Variants in SMARCA1 observed in about 807,000 individuals in gnomAD.
SMARCA1 encodes the protein SNF2 related chromatin remodeling ATPase 1, also known as SWI/SNF-related matrix-associated actin-dependent regulator of chromatin subfamily A member 1.
In SMARCA1, 17 loss-of-function variants were observed where a neutral mutation model predicts 93.6. The ratio of observed to expected loss-of-function variants is 0.18; its 90% CI spans 0.12 to 0.27. SMARCA1 has a LOEUF of 0.27. Among genes scored for constraint, SMARCA1 ranks in the 10% least tolerant of loss-of-function variants. SMARCA1 has a pLI of 1.00. For missense variants in SMARCA1, 630 were observed against 819.0 expected (o/e 0.77, Z 2.82); for synonymous variants, 271 against 271.4 (o/e 1.00, Z 0.01).
At chrX:129,447,692 G>A (rs1932074874) in intron 24 of SMARCA1, among the ~76,000 whole-genome samples, 2 of 111,442 alleles carry the variant, frequency 1.8e-5, no homozygotes, top group African/African-American at 6.5e-5. Flanking sequence ...ATTACACCTG[G>A]CAGCATTTTC....
rs758799039 is a variant in SMARCA1 at position 129,522,246 on chromosome X, T to C, written c.174+951A>G. Among the ~76,000 whole-genome samples, 4 of 109,948 alleles carry C rather than the reference T, an allele frequency of 3.6e-5. No homozygotes were observed. In the South Asian group the frequency reaches 1.6e-3, roughly 43 times the overall value. ...CATATTTTCTGGATTGGCTTTAATA[T>C]GTGTCAGAGCAGTTCCCTTACGTTA... On this transcript the variant is annotated intron_variant, in intron 1 of 24. Coordinates refer to ENST00000371121, the MANE Select transcript of SMARCA1 (RefSeq NM_001282874.2).
chrX:129,522,935 C>T (rs1935459797), intron 1 of SMARCA1, among the ~76,000 whole-genome samples: 1 of 111,260 alleles, frequency 9.0e-6, no homozygotes, highest in African/African-American at 3.3e-5. Flanking sequence ...TCCCGAGCCC[C>T]CAGGCCCCGG....
chrX:129,493,358 A>T (rs190736600), intron 12 of SMARCA1, among the ~76,000 whole-genome samples: 38 of 111,940 alleles, frequency 3.4e-4, no homozygotes, highest in Non-Finnish European at 6.2e-4. Context: ...TACATATTAC[A>T]TATACCTAAA....
intron 1 of SMARCA1, among the ~76,000 whole-genome samples, chrX:129,521,871 G>A (rs940363384): frequency 1.8e-5 from 2 of 112,154 alleles, no homozygotes; most frequent in African/African-American, 3.2e-5. Context: ...AGTCAACCTT[G>A]TAATAGTAAA....
At chrX:129,456,733 G>A (rs760309053) in intron 23 of SMARCA1, among the ~76,000 whole-genome samples, 1 of 111,881 alleles carries the variant, frequency 8.9e-6, no homozygotes, top group South Asian at 3.8e-4. Context: ...AGAATTAGAA[G>A]TGGAGCCTGA....
In SMARCA1 at chrX:129,480,702, T is replaced by G. The variant is rs775989168; in HGVS notation, c.2441A>C (p.Lys814Thr). ...ILYYRKTIGY[K>T]VPRNPDIPNP... ...AATCTTAAAAAATGGAAAAAATACC[T>G]TATAGCCTATTGTCTTCCGATAATA... is the stretch of plus-strand genomic sequence containing the variant. Residue 814 changes from lysine to threonine, a missense_variant and splice_region_variant, in exon 19 of 25, where the codon AAG becomes ACG. By Grantham distance (78) the Lys-to-Thr change is moderately conservative. Around this residue, in one of 4 missense-constraint regions of SMARCA1, gnomAD observed 52 missense variants for 38.3 expected, o/e 1.36. Transcript: ENST00000371121. The G allele has an allele frequency of 1.0e-6, 1 of 985,967 alleles. No homozygotes were observed. Among genetic ancestry groups the G allele is most frequent in the South Asian group, 2.7e-5 (1 of 36,666 alleles). 81.3% of individuals were successfully genotyped at this position (985,967 alleles called of 1,213,427 possible).
intron 1 of SMARCA1, among the ~76,000 whole-genome samples, chrX:129,519,553 A>G (rs765296627): frequency 1.4e-3 from 157 of 111,657 alleles, no homozygotes; most frequent in Admixed American, 2.3e-3. Context: ...ATCCAAACTG[A>G]GATTATGGAA....
intron 19 of SMARCA1, among the ~76,000 whole-genome samples, chrX:129,479,535 G>A (rs984433955): frequency 9.1e-6 from 1 of 109,955 alleles, no homozygotes; most frequent in Admixed American, 9.7e-5. Flanking sequence ...GCACATTCCA[G>A]CTACTAATTA....
intron 23 of SMARCA1, among the ~76,000 whole-genome samples, chrX:129,455,284 G>C (rs371459612): frequency 4.5e-5 from 5 of 111,398 alleles, no homozygotes; most frequent in African/African-American, 1.3e-4. Context: ...TCATAAAAAG[G>C]ATGAGTTCAT....
intron 13 of SMARCA1, 25 bp from the exon 14 acceptor site, chrX:129,492,118 T>C (rs1191648125): frequency 2.0e-6 from 2 of 994,196 alleles, no homozygotes; most frequent in East Asian, 6.1e-5. Context: ...GATAAAGGGA[T>C]AGAAGAAAAA....
intron 9 of SMARCA1, among the ~76,000 whole-genome samples, chrX:129,500,193 A>C (rs924463836): frequency 9.9e-5 from 11 of 111,127 alleles, no homozygotes; most frequent in Non-Finnish European, 5.7e-5. Flanking sequence ...TTGGAGACAG[A>C]GTCTCACCCT....
chrX:129,515,676 C>G lies in SMARCA1; in HGVS notation c.630+11G>C, dbSNP rs1358579370. ...TAACTGAGAATGTGTTTTTAGCTAC[C>G]AATTCCTTACCATTTCATCAGCCAA... On this transcript the variant is annotated intron_variant, in intron 5 of 24. Coordinates refer to ENST00000371121, the MANE Select transcript of SMARCA1 (RefSeq NM_001282874.2). The G allele has an allele frequency of 3.6e-6, 4 of 1,097,882 alleles. No homozygotes were observed. The highest frequency in any genetic ancestry group is 5.0e-6 in the Non-Finnish European group (4 of 794,775). The allele number at this position is 1,097,882 out of a possible 1,213,427, so 90.5% of individuals were successfully genotyped here.
chrX:129,463,219 T>C (rs1932836122), intron 23 of SMARCA1, among the ~76,000 whole-genome samples: 1 of 112,014 alleles, frequency 8.9e-6, no homozygotes, highest in African/African-American at 3.2e-5. Flanking sequence ...ATTTGTCTTC[T>C]ACAAGCTGTT....
intron 19 of SMARCA1, among the ~76,000 whole-genome samples, chrX:129,473,650 T>C (rs1250504255): frequency 8.9e-6 from 1 of 112,224 alleles, no homozygotes; most frequent in Admixed American, 9.5e-5. Flanking sequence ...CATAGATACA[T>C]GGGACAACAT....
intron 24 of SMARCA1, 32 bp downstream of exon 24, chrX:129,448,301 C>T: frequency 5.9e-6 from 7 of 1,191,467 alleles, no homozygotes; most frequent in Non-Finnish European, 7.9e-6. Context: ...ATGGGATCTA[C>T]CTAAAAGTTA....
chrX:129,454,844 T>C (rs965433687), intron 23 of SMARCA1, among the ~76,000 whole-genome samples: 12 of 111,113 alleles, frequency 1.1e-4, no homozygotes, highest in African/African-American at 3.3e-4. Context: ...CTAACAAACA[T>C]AATGAAAAAG....
In SMARCA1 at chrX:129,516,409, G is replaced by A; in HGVS notation, c.350C>T (p.Pro117Leu). 5 of 1,207,033 alleles carry A rather than the reference G, an allele frequency of 4.1e-6. No individual in the cohort carries two copies. The highest frequency in any genetic ancestry group is 5.6e-6 in the Non-Finnish European group (5 of 891,490). ...CAATTTCATGTTCAGTGGAGATGTT[G>A]GAGATTTCTGTGCTGAAGGCTGAAT... ...HFIQPSAQKS[P>L]TSPLNMKLGR... The change falls in exon 3 of 25, where the codon CCA becomes CTA. Residue 117 changes from proline (P) to leucine (L), a missense_variant. By Grantham distance (98) the Pro-to-Leu change is moderately conservative. Coordinates refer to ENST00000371121, the MANE Select transcript of SMARCA1 (RefSeq NM_001282874.2).
At chrX:129,500,123 TAA>T (rs61313042) in intron 9 of SMARCA1, among the ~76,000 whole-genome samples, 10 of 87,436 alleles carry the variant, frequency 1.1e-4, no homozygotes, top group Admixed American at 2.6e-4. Context: ...AAAGAACCCT[TAA>T]AAAAAAAAAA....
chrX:129,461,152 G>T (rs1451831031), intron 23 of SMARCA1, among the ~76,000 whole-genome samples: 1 of 111,263 alleles, frequency 9.0e-6, no homozygotes, highest in Non-Finnish European at 1.9e-5. Flanking sequence ...CTAATACTCG[G>T]ATTCAACTCT....
Sources: allele counts gnomAD v4.1 joint callset (sites outside exome capture counted in the v4.1 genomes callset), GRCh38; gene constraint gnomAD v4.1.1; regional missense constraint gnomAD v4.1.1; transcripts MANE v1.5; gene names NCBI Gene and HGNC (gene_info 2026-07-23, HGNC 2026-07-21).